Variants in RAPH1 observed in about 807,000 individuals in gnomAD.
RAPH1 encodes the protein ras-associated and pleckstrin homology domains-containing protein 1.
In RAPH1, 18 loss-of-function variants were observed where a neutral mutation model predicts 88.1. The ratio of observed to expected loss-of-function variants is 0.20; its 90% confidence interval spans 0.14 to 0.30. The LOEUF is 0.30. Ranked by LOEUF, RAPH1 falls within the 10% of genes least tolerant of loss-of-function variation. The pLI is 1.00. For missense variants in RAPH1, 1,448 were observed against 1,543.2 expected, an observed-to-expected ratio of 0.94 and a Z score of 1.03; for synonymous variants, 587 against 559.0, an observed-to-expected ratio of 1.05 and a Z score of -0.71.
rs1559494641 is a variant in RAPH1 at position 203,506,828 on chromosome 2, ATATCTATATCTATATATCTATC to A, written c.1-11497_1-11476del. Among the ~76,000 whole-genome samples, 65 of 20,810 alleles carry A rather than the reference ATATCTATATCTATATATCTATC, an allele frequency of 3.1e-3. 1 individual carries two copies. The highest frequency in any genetic ancestry group is 7.2e-3 in the African/African-American group (45 of 6,226). The allele number at this position is 20,810 out of a possible 152,430, so 13.7% of individuals were successfully genotyped here. A position where few individuals can be genotyped will look rare whatever the true frequency, so the allele number is the denominator to read the frequency against. On this transcript the variant is annotated intron_variant, in intron 1 of 13. Coordinates refer to ENST00000319170, the MANE Select transcript of RAPH1 (RefSeq NM_213589.3). ...TATCTATATCTATATATCTATATAT[ATATCTATATCTATATATCTATC>A]TATATCTATATATATATATATATAT...
chr2:203,474,054 G>C (rs1157052261), intron 4 of RAPH1, among the ~76,000 whole-genome samples: 2 of 152,182 alleles, frequency 1.3e-5, no homozygotes, highest in Non-Finnish European at 2.9e-5. Context: ...AAGGAGACGG[G>C]TATCTAACCC....
intron 4 of RAPH1, among the ~76,000 whole-genome samples, chr2:203,480,088 T>C (rs1315179386): frequency 3.3e-5 from 5 of 152,248 alleles, no homozygotes; most frequent in Non-Finnish European, 5.9e-5. Context: ...GTTGCGCCAT[T>C]TGTGTTTGAT....
intron 4 of RAPH1, among the ~76,000 whole-genome samples, chr2:203,475,528 T>C (rs1397867381): frequency 6.6e-6 from 1 of 152,244 alleles, no homozygotes; most frequent in Admixed American, 6.5e-5. Flanking sequence ...TATTTTGTCA[T>C]TACAATTATA....
rs547450219 is a variant in RAPH1, at chr2:203,492,233, C to CAAA, written c.121-917_121-915dup. On this transcript the variant is annotated intron_variant, in intron 2 of 13. Coordinates refer to ENST00000319170, the MANE Select transcript of RAPH1 (RefSeq NM_213589.3). The stretch of plus-strand genomic sequence containing the variant: ...TGGGCGACAGAGCGAGACTCAATCT[C>CAAA]AAAAAAAAAAAAAAAAGAAACCGCA... Among the ~76,000 whole-genome samples, 245 of 133,516 alleles carry CAAA rather than the reference C, an allele frequency of 1.8e-3. 2 individuals are homozygous for CAAA. Among genetic ancestry groups the CAAA allele is most frequent in the Middle Eastern group, 3.8e-3 (1 of 260 alleles). 87.6% of individuals were successfully genotyped at this position (133,516 alleles called of 152,430 possible). A position where few individuals can be genotyped will look rare whatever the true frequency, so the allele number is the denominator to read the frequency against.
chr2:203,509,403 A>C (rs1448360816), intron 1 of RAPH1, among the ~76,000 whole-genome samples: 1 of 152,162 alleles, frequency 6.6e-6, no homozygotes, highest in African/African-American at 2.4e-5. Flanking sequence ...TTAACATCAC[A>C]AGTAGGTCAG....
intron 1 of RAPH1, among the ~76,000 whole-genome samples, chr2:203,506,846 C>CTATATCTATATCTA (rs1277788456): frequency 1.5e-5 from 1 of 66,482 alleles, no homozygotes; most frequent in Non-Finnish European, 2.4e-5. Flanking sequence ...ATCTATATAT[C>CTATATCTATATCTA]TATCTATATC....
At chr2:203,470,602 A>G (rs2098532210) in intron 4 of RAPH1, among the ~76,000 whole-genome samples, 1 of 152,256 alleles carries the variant, frequency 6.6e-6, no homozygotes, top group African/African-American at 2.4e-5. Context: ...CTGCAGAGCC[A>G]GTCTGCCTTC....
chr2:203,461,499 T>C (rs891751793), intron 5 of RAPH1, 91 bp from the exon 6 acceptor site: 1 of 958,110 alleles, frequency 1.0e-6, no homozygotes, highest in Non-Finnish European at 1.5e-6. Context: ...TTTGGATTAA[T>C]GTATTTGTAT....
rs1361978110 is a variant in RAPH1, at chr2:203,438,929, A to G, written c.*508T>C. The G allele has an allele frequency of 6.5e-6, 1 of 154,504 alleles. No homozygotes were observed. The highest frequency in any genetic ancestry group is 1.9e-4 in the East Asian group (1 of 5,226). 9.6% of individuals were successfully genotyped at this position (154,504 alleles called of 1,614,324 possible). ...CCAACTGGGGAAAAACAAACACAAA[A>G]GCCTTATAGATACACCAAACATTCT... On this transcript the variant is annotated 3_prime_UTR_variant, in exon 14 of 14. Coordinates refer to ENST00000319170, the MANE Select transcript of RAPH1 (RefSeq NM_213589.3).
chr2:203,461,819 C>T, intron 5 of RAPH1, 29 bp downstream of exon 5: 1 of 1,554,074 alleles, frequency 6.4e-7, no homozygotes, highest in Non-Finnish European at 8.7e-7. Flanking sequence ...ATAAAAAAAT[C>T]CCAAACCAGG....
At chr2:203,531,487 A>T (rs1166889616) in intron 1 of RAPH1, among the ~76,000 whole-genome samples, 1 of 152,086 alleles carries the variant, frequency 6.6e-6, no homozygotes, top group African/African-American at 2.4e-5. Flanking sequence ...CAAATCATAT[A>T]TTTGATAAGG....
intron 10 of RAPH1, among the ~76,000 whole-genome samples, chr2:203,452,817 A>G (rs753436005): frequency 2.3e-4 from 35 of 152,228 alleles, no homozygotes; most frequent in Admixed American, 3.9e-4. Context: ...GTGTGGTGGC[A>G]TGTGGCTGTA....
In RAPH1 at chr2:203,447,982, C is replaced by G. The variant is rs776345988; in HGVS notation, c.1610G>C (p.Gly537Ala). Residue 537 changes from glycine to alanine, a missense_variant, in exon 12 of 14, where the codon GGA (glycine) becomes GCA (alanine). Gly to Ala is a moderately conservative substitution (Grantham distance 60). Transcript: ENST00000319170. ...TSLSSSSIKS[G>A]SSSSSIPESQ... ...ACCTGGGATGCTGGAAGAACTGGAT[C>G]CCGATTTAATGCTGGAGCTGGATAA... The G allele has an allele frequency of 4.3e-6, 7 of 1,613,734 alleles. No individual in the cohort carries two copies. The highest frequency in any genetic ancestry group is 5.9e-6 in the Non-Finnish European group (7 of 1,179,888).
chr2:203,458,979 G>T (rs936829912), intron 7 of RAPH1, among the ~76,000 whole-genome samples: 14 of 152,020 alleles, frequency 9.2e-5, no homozygotes, highest in South Asian at 6.2e-4. Context: ...AGCCAGGATG[G>T]TCTCGATCTC....
rs1278011667 is a variant in RAPH1 at position 203,527,548 on chromosome 2, C to CA, written c.-1+7562dup. 4.6e-5 allele frequency among the ~76,000 whole-genome samples: 7 copies of CA among 152,002 alleles called. No homozygotes were observed. The East Asian group carries it at 1.3e-3, about 29-fold the overall frequency. On this transcript the variant is annotated intron_variant, in intron 1 of 13. Transcript: ENST00000319170. ...CCGTGGTAGCTCATGCCTGTAACCC[C>CA]AGCACTTTGGGAGGCTGAGGTGGGC...
At chr2:203,528,995 A>ATTTTTTTT (rs1559508240) in intron 1 of RAPH1, among the ~76,000 whole-genome samples, 1 of 79,538 alleles carries the variant, frequency 1.3e-5, no homozygotes, top group African/African-American at 6.8e-5. Context: ...ATATATATAT[A>ATTTTTTTT]TATATATATA....
chr2:203,500,422 T>G (rs893533337), intron 1 of RAPH1, among the ~76,000 whole-genome samples: 9 of 152,018 alleles, frequency 5.9e-5, no homozygotes, highest in Non-Finnish European at 1.5e-5. Flanking sequence ...TCATGGAAAA[T>G]GAGGCTAGAG....
chr2:203,509,065 AAT>A (rs1689216789), intron 1 of RAPH1, among the ~76,000 whole-genome samples: 1 of 135,706 alleles, frequency 7.4e-6, no homozygotes, highest in Admixed American at 8.2e-5. Flanking sequence ...TTTAAAAAAT[AAT>A]TTTTTTTTTT....
At chr2:203,441,881 T>C in intron 13 of RAPH1, 1 of 1,352,116 alleles carries the variant, frequency 7.4e-7, no homozygotes, top group Non-Finnish European at 9.5e-7. Context: ...TTAGGAGGGC[T>C]TCCTGGTGGA....
Sources: allele counts gnomAD v4.1 joint callset (sites outside exome capture counted in the v4.1 genomes callset), GRCh38; gene constraint gnomAD v4.1.1; transcripts MANE v1.5; gene names NCBI Gene and HGNC (gene_info 2026-07-23, HGNC 2026-07-21).